Variants in DOCK8 observed in about 807,000 individuals in gnomAD.
DOCK8 encodes the protein dedicator of cytokinesis 8.
A neutral mutation model predicts 245.6 loss-of-function variants in DOCK8; 141 were observed. That is an observed-to-expected ratio of 0.57 (90% CI 0.50 to 0.66). The LOEUF (loss-of-function observed/expected upper bound fraction) is 0.66. Ranked by LOEUF, DOCK8 falls within the 30% of genes least tolerant of loss-of-function variation. The probability of loss-of-function intolerance (pLI) is 0.00; values close to 1 mark genes in which losing one functional copy is unlikely to be tolerated. For synonymous variants in DOCK8, 1,168 were observed against 970.2 expected (o/e 1.20, Z -3.79); for missense variants, 2,965 against 2,603.4 (o/e 1.14, Z -3.02).
At chr9:235,991 C>T (rs1019633709) in intron 1 of DOCK8, among the ~76,000 whole-genome samples, 8 of 152,224 alleles carry the variant, frequency 5.3e-5, no homozygotes, top group East Asian at 1.9e-4. Flanking sequence ...TATTCTGTGT[C>T]GCTCACGCTG....
At chr9:232,334 C>G (rs1035830078) in intron 1 of DOCK8, among the ~76,000 whole-genome samples, 2 of 152,178 alleles carry the variant, frequency 1.3e-5, no homozygotes, top group Non-Finnish European at 2.9e-5. Context: ...CAATGTTCAT[C>G]AAGGATATTG....
chr9:385,696 A>G (rs578112689), intron 22 of DOCK8, among the ~76,000 whole-genome samples: 3 of 152,306 alleles, frequency 2.0e-5, no homozygotes, highest in East Asian at 1.9e-4. Flanking sequence ...GTTGTTAAAC[A>G]TTTGCCAGCA....
rs2056839181 is a variant in DOCK8, at chr9:434,811, G to A, written c.4915G>A (p.Asp1639Asn). ...TGCCAAGAGTTACCAGGCATCTCCTGATCTGCGGCTGACCTGGCTCCAGAA... is the reference window on the plus strand; with the variant it reads ...TGCCAAGAGTTACCAGGCATCTCCTAATCTGCGGCTGACCTGGCTCCAGAA... Reference protein sequence around the residue: ...RIAKSYQASPDLRLTWLQNMA... With the variant: ...RIAKSYQASPNLRLTWLQNMA... Residue 1639 changes from aspartate to asparagine, a missense_variant, in exon 39 of 48, where the codon GAT (aspartate) becomes AAT (asparagine). Around this residue, in one of 3 missense-constraint regions of DOCK8, gnomAD observed 2,825 missense variants for 2,453.5 expected, o/e 1.15. Coordinates refer to ENST00000432829, the MANE Select transcript of DOCK8 (RefSeq NM_203447.4). 1 of 1,614,142 alleles carries A rather than the reference G, an allele frequency of 6.2e-7. No homozygotes were observed. The highest frequency in any genetic ancestry group is 8.5e-7 in the Non-Finnish European group (1 of 1,180,044).
chr9:295,818 T>C (rs1320584985), intron 4 of DOCK8, among the ~76,000 whole-genome samples: 1 of 152,182 alleles, frequency 6.6e-6, no homozygotes, highest in Admixed American at 6.5e-5. Context: ...AATGGCCACT[T>C]GTGTTCCCTC....
At chr9:266,883 C>T (rs1378147207) in intron 1 of DOCK8, among the ~76,000 whole-genome samples, 2 of 151,458 alleles carry the variant, frequency 1.3e-5, no homozygotes, top group East Asian at 3.8e-4. Context: ...AATCTAACAT[C>T]ATGAAACTTA....
intron 6 of DOCK8, among the ~76,000 whole-genome samples, chr9:315,120 T>C (rs2050285778): frequency 6.6e-6 from 1 of 152,226 alleles, no homozygotes; most frequent in African/African-American, 2.4e-5. Context: ...AGGGGAGTAC[T>C]TCTTGGCTCA....
intron 37 of DOCK8, among the ~76,000 whole-genome samples, chr9:432,765 A>G (rs1183404112): frequency 6.6e-6 from 1 of 152,180 alleles, no homozygotes; most frequent in African/African-American, 2.4e-5. Flanking sequence ...GAGTAGTTGA[A>G]ACAATGAATT....
chr9:363,873 G>A (rs2052849879), intron 14 of DOCK8, among the ~76,000 whole-genome samples: 1 of 152,118 alleles, frequency 6.6e-6, no homozygotes, highest in Non-Finnish European at 1.5e-5. Context: ...CCCCTGTATT[G>A]GAGTGTAAGA....
At chr9:335,438 T>A (rs181395145) in intron 11 of DOCK8, among the ~76,000 whole-genome samples, 5 of 152,308 alleles carry the variant, frequency 3.3e-5, no homozygotes, top group Admixed American at 3.3e-4. Flanking sequence ...AAATACTACC[T>A]TGAGCAGGGA....
intron 46 of DOCK8, 29 bp from the exon 47 acceptor site, chr9:463,488 T>C (rs773276678): frequency 2.5e-6 from 4 of 1,613,746 alleles, no homozygotes; most frequent in Admixed American, 3.3e-5. Context: ...AAGTCATTTA[T>C]TTCTCCCACA....
At chr9:431,471 C>T (rs185261481) in intron 36 of DOCK8, among the ~76,000 whole-genome samples, 46 of 152,074 alleles carry the variant, frequency 3.0e-4, no homozygotes, top group African/African-American at 1.2e-4. Context: ...GTTGCTTACC[C>T]GGAGTTCAAA....
At chr9:407,929 T>C (rs1490242760) in intron 28 of DOCK8, among the ~76,000 whole-genome samples, 1 of 152,138 alleles carries the variant, frequency 6.6e-6, no homozygotes, top group Admixed American at 6.5e-5. Flanking sequence ...TCAACACTTC[T>C]GGTGTTTAGA....
rs1458576245 is a variant in DOCK8 at position 405,048 on chromosome 9, C to G, written c.3365C>G (p.Ser1122Cys). 6.2e-7 allele frequency: 1 copy of G among 1,613,838 alleles called. No homozygotes were observed. Among genetic ancestry groups the G allele is most frequent in the African/African-American group, 1.3e-5 (1 of 75,040 alleles). The change falls in exon 27 of 48, where the codon TCT (serine) becomes TGT (cysteine). Residue 1122 changes from serine to cysteine, a missense_variant. Physicochemically the swap from Ser to Cys is moderately radical, Grantham distance 112. This residue lies in a region of DOCK8 where 2,825 missense variants were observed against 2,453.5 expected (regional missense o/e 1.15). Transcript: ENST00000432829. ...FFMNADTAPT[S>C]PCPSISSQNS... ...ATGAATGCTGATACTGCTCCAACAT[C>G]TCCTTGTCCTTCCATATCTTCCCAG...
chr9:458,491 G>T lies in DOCK8; in HGVS notation c.6069-5026G>T, dbSNP rs753114879. ...ACGAATGTTTGTCTGCCACACTGAG[G>T]AACCCATGTATGGGCTGTGCTGAAA... On this transcript the variant is annotated intron_variant, in intron 46 of 47. Coordinates refer to ENST00000432829, the MANE Select transcript of DOCK8 (RefSeq NM_203447.4). The T allele has an allele frequency of 2.0e-5, 3 of 152,302 alleles. No individual in the cohort carries two copies. The South Asian group carries it at 6.2e-4, about 32-fold the overall frequency. 9.4% of individuals were successfully genotyped at this position (152,302 alleles called of 1,614,324 possible).
intron 4 of DOCK8, among the ~76,000 whole-genome samples, chr9:304,286 A>C (rs1466896486): frequency 6.6e-6 from 1 of 152,198 alleles, no homozygotes; most frequent in Non-Finnish European, 1.5e-5. Context: ...GTTTAGCTTC[A>C]GCTCGGAGCC....
At position 377,153 on chromosome 9, in the gene DOCK8, G is replaced by A; in HGVS notation, c.2382G>A (p.Leu794=). Residue 794 remains leucine, a synonymous_variant, in exon 20 of 48, where the codon CTG becomes CTA. Transcript: ENST00000432829. ...RLEPLVLFLH[L]VLDKLFQLSV... ...AGCCGCTCGTGCTCTTCCTGCACCT[G>A]GTGCTGGACAAGCTCTTCCAGCTGT... 5 of 1,606,392 alleles carry A rather than the reference G, an allele frequency of 3.1e-6. No homozygotes were observed. The highest frequency in any genetic ancestry group is 4.2e-6 in the Non-Finnish European group (5 of 1,179,744).
rs1216097259 is a variant in DOCK8 at position 371,428 on chromosome 9, G to T, written c.1869G>T (p.Lys623Asn). 1.9e-6 allele frequency: 3 copies of T among 1,614,084 alleles called. No individual in the cohort carries two copies. The highest frequency in any genetic ancestry group is 2.5e-6 in the Non-Finnish European group (3 of 1,180,004). Residue 623 changes from lysine (K) to asparagine (N), a missense_variant and splice_region_variant, in exon 17 of 48, where the codon AAG (lysine) becomes AAT (asparagine). This residue lies in a region of DOCK8 where 2,825 missense variants were observed against 2,453.5 expected (regional missense o/e 1.15). Transcript: ENST00000432829. ...EVYTAVTYHNKSPDFYEEVKI... is the reference protein window; with the variant it reads ...EVYTAVTYHNNSPDFYEEVKI... ...TGTGTATAATGTGCTTTTGAAACAG[G>T]TCTCCTGACTTTTATGAAGAAGTGA... is the stretch of plus-strand genomic sequence containing the variant.
intron 28 of DOCK8, among the ~76,000 whole-genome samples, chr9:411,786 C>T (rs2055743568): frequency 6.6e-6 from 1 of 152,108 alleles, no homozygotes; most frequent in African/African-American, 2.4e-5. Flanking sequence ...AGGCTGCATA[C>T]CTGAAAATCA....
chr9:439,176 C>A, intron 39 of DOCK8, 69 bp from the exon 40 acceptor site: 1 of 1,603,150 alleles, frequency 6.2e-7, no homozygotes, highest in South Asian at 1.1e-5. Flanking sequence ...TTTCCCCATT[C>A]GGGGTTCCTG....
Sources: gnomAD v4.1 joint callset for allele counts (sites outside exome capture counted in the v4.1 genomes callset) on GRCh38, gnomAD v4.1.1 for gene constraint, gnomAD v4.1.1 regional missense constraint, MANE v1.5 for transcripts, NCBI Gene and HGNC (gene_info 2026-07-23, HGNC 2026-07-21) for gene names.